Variants in EML4 observed in about 807,000 individuals in gnomAD.
EML4 encodes the protein EMAP like 4.
In EML4, 72 loss-of-function variants were observed where a neutral mutation model predicts 129.0. The ratio of observed to expected loss-of-function variants is 0.56; its 90% confidence interval spans 0.46 to 0.68. The LOEUF is 0.68. Among genes scored for constraint, EML4 ranks in the 30% least tolerant of loss-of-function variants. The pLI is 0.00. For synonymous variants in EML4, 532 were observed against 405.0 expected (o/e 1.31, Z -3.77); for missense variants, 1,363 against 1,190.6 (o/e 1.14, Z -2.13).
At chr2:42,281,809 A>T (rs1667026998) in intron 7 of EML4, among the ~76,000 whole-genome samples, 1 of 149,332 alleles carries the variant, frequency 6.7e-6, no homozygotes. Context: ...CTTCTTTTAG[A>T]ACCTCCAAGA....
Position 42,331,338 on chromosome 2 carries a change from G to GT in EML4, c.*1132dup. 4.5e-6 allele frequency: 1 copy of GT among 223,826 alleles called. No individual in the cohort carries two copies. The highest frequency in any genetic ancestry group is 5.7e-5 in the Admixed American group (1 of 17,462). The allele number at this position is 223,826 out of a possible 1,614,324, so 13.9% of individuals were successfully genotyped here. On this transcript the variant is annotated 3_prime_UTR_variant, in exon 23 of 23. Coordinates refer to ENST00000318522, the MANE Select transcript of EML4 (RefSeq NM_019063.5). Reference sequence around the variant, plus strand: ...GCAGTTTTTTTCTGGTGGAGTTGCTGTAAGTCTTGTAAGTCTAATGTGGCT... The same window carrying GT: ...GCAGTTTTTTTCTGGTGGAGTTGCTGTTAAGTCTTGTAAGTCTAATGTGGCT...
intron 1 of EML4, among the ~76,000 whole-genome samples, chr2:42,212,741 C>G (rs984000041): frequency 6.6e-6 from 1 of 152,170 alleles, no homozygotes; most frequent in Non-Finnish European, 1.5e-5. Context: ...ATCACATTTT[C>G]CAGTGTTTCT....
chr2:42,258,525 G>A (rs554814666), intron 3 of EML4, among the ~76,000 whole-genome samples: 13 of 152,114 alleles, frequency 8.5e-5, no homozygotes, highest in East Asian at 5.8e-4. Context: ...TGCAGCACCC[G>A]GAGTAGCTGG....
intron 1 of EML4, among the ~76,000 whole-genome samples, chr2:42,198,596 G>C (rs910685826): frequency 6.6e-6 from 1 of 152,154 alleles, no homozygotes; most frequent in Non-Finnish European, 1.5e-5. Context: ...ATGCTAATTT[G>C]GGGAGGAATA....
chr2:42,232,948 A>G (rs1056581073), intron 1 of EML4, among the ~76,000 whole-genome samples: 4 of 152,140 alleles, frequency 2.6e-5, no homozygotes, highest in African/African-American at 7.2e-5. Context: ...GATGGTCTCC[A>G]TCTGACCTCG....
At chr2:42,282,491 T>C (rs1200929523) in intron 7 of EML4, among the ~76,000 whole-genome samples, 1 of 152,084 alleles carries the variant, frequency 6.6e-6, no homozygotes, top group Non-Finnish European at 1.5e-5. Context: ...CCTCCTGGGC[T>C]CAAGTGATTC....
chr2:42,261,380 G>A (rs1460198138), intron 4 of EML4, 86 bp downstream of exon 4: 20 of 1,241,122 alleles, frequency 1.6e-5, no homozygotes, highest in Non-Finnish European at 2.1e-5. Context: ...AGCTATCCAA[G>A]GATTCTGAGA....
chr2:42,295,239 A>G lies in EML4; in HGVS notation c.1333A>G (p.Arg445Gly). The change falls in exon 12 of 23, where the codon AGA becomes GGA. Residue 445 changes from arginine (R) to glycine (G), a missense_variant. Arg to Gly is a moderately radical substitution (Grantham distance 125). Transcript: ENST00000318522. ...FWTWSGNSLTRKQGIFGKYEK... is the reference protein window; with the variant it reads ...FWTWSGNSLTGKQGIFGKYEK... ...GACCTGGAGCGGCAATTCACTAACA[A>G]GAAAACAGGGAATTTTTGGGGTAAG... 1.2e-6 allele frequency: 2 copies of G among 1,613,484 alleles called. No homozygotes were observed. The highest frequency in any genetic ancestry group is 2.2e-5 in the East Asian group (1 of 44,862).
At position 42,295,562 on chromosome 2, in the gene EML4, G is replaced by C. The variant is rs1229738457; in HGVS notation, c.1489+46G>C. The C allele has an allele frequency of 5.8e-6, 9 of 1,563,544 alleles. No individual in the cohort carries two copies. The East Asian group carries it at 1.4e-4, about 24-fold the overall frequency. On this transcript the variant is annotated intron_variant, in intron 13 of 22. Coordinates refer to ENST00000318522, the MANE Select transcript of EML4 (RefSeq NM_019063.5). ...ACTCATTTCTGGTAATTCTCACATA[G>C]TACTCTTTCAGTCCCATCTCTTAGA...
At chr2:42,212,319 C>T (rs533042217) in intron 1 of EML4, among the ~76,000 whole-genome samples, 51 of 152,088 alleles carry the variant, frequency 3.4e-4, no homozygotes, top group Non-Finnish European at 5.9e-4. Flanking sequence ...GTAATGCATG[C>T]TATTTGAAAT....
intron 10 of EML4, 97 bp downstream of exon 10, chr2:42,286,476 C>T: frequency 4.1e-6 from 3 of 735,002 alleles, no homozygotes; most frequent in Admixed American, 4.2e-5. Context: ...AAGTGATAAT[C>T]CTGAGTTGAA....
chr2:42,299,139 T>C (rs1668128766), intron 13 of EML4, among the ~76,000 whole-genome samples: 1 of 152,206 alleles, frequency 6.6e-6, no homozygotes, highest in South Asian at 2.1e-4. Context: ...ACAGCAAGTT[T>C]GTTGGAGTTC....
chr2:42,282,884 G>A lies in EML4; in HGVS notation c.853G>A (p.Val285Ile), dbSNP rs778424397. 3 of 1,611,790 alleles carry A rather than the reference G, an allele frequency of 1.9e-6. No individual in the cohort carries two copies. The South Asian group carries it at 3.3e-5, about 18-fold the overall frequency. Residue 285 changes from valine to isoleucine, a missense_variant, in exon 8 of 23, where the codon GTT becomes ATT. Coordinates refer to ENST00000318522, the MANE Select transcript of EML4 (RefSeq NM_019063.5). The stretch of plus-strand genomic sequence containing the variant: ...TTACCTTCTTCCGACCGGGAAAATA[G>A]TTTATTTCATTGCATCAGTAGTAGT... Reference protein sequence around the residue: ...NVYLLPTGKIVYFIASVVVLF... With the variant: ...NVYLLPTGKIIYFIASVVVLF...
chr2:42,275,493 A>T (rs1352821841), intron 6 of EML4, among the ~76,000 whole-genome samples: 1 of 152,232 alleles, frequency 6.6e-6, no homozygotes, highest in Non-Finnish European at 1.5e-5. Context: ...AAAGGAGGTT[A>T]GACTAGGAGA....
At chr2:42,274,751 A>T (rs537579049) in intron 6 of EML4, among the ~76,000 whole-genome samples, 2 of 152,184 alleles carry the variant, frequency 1.3e-5, no homozygotes, top group African/African-American at 4.8e-5. Context: ...CCACTTTGCA[A>T]TTTGGGACAC....
chr2:42,223,925 G>C (rs930505294), intron 1 of EML4, among the ~76,000 whole-genome samples: 1 of 151,942 alleles, frequency 6.6e-6, no homozygotes, highest in Non-Finnish European at 1.5e-5. Context: ...ATACCACTAC[G>C]GGTTCTCCTT....
chr2:42,259,536 C>G (rs1306368415), intron 3 of EML4, among the ~76,000 whole-genome samples: 1 of 151,876 alleles, frequency 6.6e-6, no homozygotes, highest in Non-Finnish European at 1.5e-5. Flanking sequence ...AAGACCAAAC[C>G]TACCCTCTAA....
rs771961171 is a variant in EML4, at chr2:42,282,834, G to A, written c.803G>A (p.Arg268Gln). 1.7e-5 allele frequency: 27 copies of A among 1,611,288 alleles called. 1 individual carries two copies. Among genetic ancestry groups the A allele is most frequent in the South Asian group, 3.3e-5 (3 of 90,734 alleles). ...CTTTTTCTGTTAAGATATGGTTATC[G>A]AGGAAAGGACTGTAGAGCTAATGTT... is the stretch of plus-strand genomic sequence containing the variant. ...KLKLEWAYGY[R>Q]GKDCRANVYL... The change falls in exon 8 of 23, where the codon CGA (arginine) becomes CAA (glutamine). Residue 268 changes from arginine (R) to glutamine (Q), a missense_variant. Coordinates refer to ENST00000318522, the MANE Select transcript of EML4 (RefSeq NM_019063.5).
chr2:42,231,510 T>C (rs1674344379), intron 1 of EML4, among the ~76,000 whole-genome samples: 1 of 152,242 alleles, frequency 6.6e-6, no homozygotes, highest in Non-Finnish European at 1.5e-5. Context: ...ACTGTTTTTT[T>C]TCCTTTGTTC....
Sources: allele counts gnomAD v4.1 joint callset (sites outside exome capture counted in the v4.1 genomes callset), GRCh38; gene constraint gnomAD v4.1.1; transcripts MANE v1.5; gene names NCBI Gene and HGNC (gene_info 2026-07-23, HGNC 2026-07-21).